The following NIT2 variants were observed in gnomAD, a reference collection of about 807,000 sequenced individuals.
NIT2 encodes the protein omega-amidase NIT2.
In NIT2, 46 loss-of-function variants were observed where a neutral mutation model predicts 42.7. The observed-to-expected ratio is 1.08, with a 90% CI of 0.85 to 1.38. The LOEUF (loss-of-function observed/expected upper bound fraction) is 1.38, where lower values mean the gene tolerates loss of function less well. Ranked by LOEUF, NIT2 falls within the 40% of genes most tolerant of loss-of-function variation. The probability of loss-of-function intolerance (pLI) is 0.00; values close to 1 mark genes in which losing one functional copy is unlikely to be tolerated. For missense variants in NIT2, 309 were observed against 342.5 expected, an observed-to-expected ratio of 0.90 and a Z score of 0.77; for synonymous variants, 123 against 121.9, an observed-to-expected ratio of 1.01 and a Z score of -0.06.
chr3:100,340,396 A>C (rs1706135794), intron 3 of NIT2, among the ~76,000 whole-genome samples: 1 of 152,128 alleles, frequency 6.6e-6, no homozygotes, highest in Non-Finnish European at 1.5e-5. Flanking sequence ...GAGGATTGAG[A>C]AAAAAAATTT....
At chr3:100,337,291 A>G (rs1476773079) in intron 1 of NIT2, among the ~76,000 whole-genome samples, 2 of 152,144 alleles carry the variant, frequency 1.3e-5, no homozygotes, top group African/African-American at 4.8e-5. Context: ...TTTTCCCTAC[A>G]CTAATAATTC....
Position 100,356,337 on chromosome 3 carries a change from A to G in NIT2, c.*1069A>G, listed in dbSNP as rs1311622554. The G allele has an allele frequency of 6.6e-6, 1 of 152,242 alleles. No individual in the cohort carries two copies. Among genetic ancestry groups the G allele is most frequent in the Non-Finnish European group, 1.5e-5 (1 of 68,046 alleles). 9.4% of individuals were successfully genotyped at this position (152,242 alleles called of 1,614,324 possible). On this transcript the variant is annotated 3_prime_UTR_variant, in exon 10 of 10. Transcript: ENST00000394140. Reference sequence around the variant, plus strand: ...CCATGGCTGAGTTTGAGCTATCTGCATGACACCTCTAAACACAGAGTTGGG... The same window carrying G: ...CCATGGCTGAGTTTGAGCTATCTGCGTGACACCTCTAAACACAGAGTTGGG...
In NIT2 at chr3:100,348,872, A is replaced by C; in HGVS notation, c.575A>C (p.Gln192Pro). The change falls in exon 7 of 10, where the codon CAG (glutamine) becomes CCG (proline). Residue 192 changes from glutamine (Q) to proline (P), a missense_variant. By Grantham distance (76) the Gln-to-Pro change is moderately conservative. Coordinates refer to ENST00000394140, the MANE Select transcript of NIT2 (RefSeq NM_020202.5). ...TTGPAHWELL[Q>P]RSRAVDNQVY... The stretch of plus-strand genomic sequence containing the variant: ...GGACCAGCCCATTGGGAGTTACTTC[A>C]GCGAAGCCGGTAAGAAAGGAACCAT... 6.2e-7 allele frequency: 1 copy of C among 1,613,732 alleles called. No homozygotes were observed. The highest frequency in any genetic ancestry group is 2.2e-5 in the East Asian group (1 of 44,872).
At chr3:100,351,277 A>G (rs1222780670) in intron 7 of NIT2, among the ~76,000 whole-genome samples, 2 of 152,228 alleles carry the variant, frequency 1.3e-5, no homozygotes, top group South Asian at 2.1e-4. Context: ...ATATGGAACC[A>G]AAAAAGAGCC....
rs539571335 is a variant in NIT2 at position 100,339,800 on chromosome 3, C to T, written c.127-15C>T. ...GTGTTTTGATCTTTTTTTTTCTCTG[C>T]CAATATTTTTCTAGGAATGCTTTAA... On this transcript the variant is annotated splice_polypyrimidine_tract_variant and intron_variant, in intron 2 of 9. Transcript: ENST00000394140. The T allele has an allele frequency of 1.9e-6, 3 of 1,593,184 alleles. No individual in the cohort carries two copies. In the South Asian group the frequency reaches 3.4e-5, roughly 18 times the overall value.
intron 3 of NIT2, 63 bp from the exon 4 acceptor site, chr3:100,341,010 C>A: frequency 9.2e-7 from 1 of 1,085,206 alleles, no homozygotes; most frequent in Admixed American, 1.8e-5. Flanking sequence ...GGCTTTTATC[C>A]CTTTCTCACA....
chr3:100,353,777 C>CT (rs397728358), intron 8 of NIT2, among the ~76,000 whole-genome samples: 102,042 of 140,222 alleles, frequency 0.73, 37,633 homozygotes, highest in East Asian at 0.93. Context: ...TTTCTTTTTT[C>CT]TTTTTTTTTT....
intron 4 of NIT2, among the ~76,000 whole-genome samples, chr3:100,342,301 A>G (rs1209588146): frequency 6.6e-6 from 1 of 152,048 alleles, no homozygotes; most frequent in Non-Finnish European, 1.5e-5. Flanking sequence ...ATATAATTGT[A>G]TCTTAATTTT....
At chr3:100,334,896 C>T (rs978753294) in intron 1 of NIT2, 98 bp downstream of exon 1, 3 of 1,119,828 alleles carry the variant, frequency 2.7e-6, no homozygotes, top group Non-Finnish European at 2.3e-6. Flanking sequence ...CCCCTCCGCC[C>T]CGCGTCCCCG....
chr3:100,346,002 A>G, intron 5 of NIT2, 179 bp from the exon 6 acceptor site: 1 of 610,746 alleles, frequency 1.6e-6, no homozygotes. Flanking sequence ...GATGTAAATG[A>G]TGTCTTTATG....
At chr3:100,344,242 A>T (rs988649429) in intron 4 of NIT2, among the ~76,000 whole-genome samples, 2 of 152,198 alleles carry the variant, frequency 1.3e-5, no homozygotes, top group African/African-American at 4.8e-5. Context: ...AGCAGCTGTA[A>T]ATAGCACCAG....
intron 4 of NIT2, among the ~76,000 whole-genome samples, chr3:100,343,380 G>A (rs1012348059): frequency 6.6e-6 from 1 of 151,768 alleles, no homozygotes; most frequent in African/African-American, 2.4e-5. Flanking sequence ...CTGTTTTTCT[G>A]TTTTTGTCTT....
chr3:100,340,018 C>T, intron 3 of NIT2, 83 bp downstream of exon 3: 4 of 1,189,978 alleles, frequency 3.4e-6, no homozygotes, highest in Non-Finnish European at 4.7e-6. Context: ...CGCCTGTATT[C>T]CCTACTTGGG....
rs373969032 is a variant in NIT2 at position 100,355,201 on chromosome 3, G to A, written c.764G>A (p.Arg255His). 6.8e-6 allele frequency: 11 copies of A among 1,613,904 alleles called. No individual in the cohort carries two copies. The highest frequency in any genetic ancestry group is 9.3e-6 in the Non-Finnish European group (11 of 1,179,984). ...GACCTGAAGAAGCTGGCTGAAATAC[G>A]CCAGCAAATCCCCGTTTTTAGACAG... ...DIDLKKLAEI[R>H]QQIPVFRQKR... is the part of the protein sequence containing the mutation. Residue 255 changes from arginine (R) to histidine (H), a missense_variant, in exon 10 of 10, where the codon CGC (arginine) becomes CAC (histidine). By Grantham distance (29) the Arg-to-His change is conservative. Transcript: ENST00000394140.
chr3:100,354,934 C>T (rs1256515972), intron 9 of NIT2, 107 bp downstream of exon 9: 1 of 930,462 alleles, frequency 1.1e-6, no homozygotes, highest in African/African-American at 1.6e-5. Flanking sequence ...CTTTATGCCC[C>T]TTCTCATTGA....
chr3:100,353,765 AGTTTC>A (rs202244862), intron 8 of NIT2, among the ~76,000 whole-genome samples: 2,578 of 134,888 alleles, frequency 0.019, 44 homozygotes, highest in African/African-American at 0.055. Context: ...CACTGGAGAT[AGTTTC>A]TTTTTTCTTT....
intron 7 of NIT2, chr3:100,349,506 C>A (rs1012930894): frequency 6.6e-6 from 1 of 152,240 alleles, no homozygotes; most frequent in Non-Finnish European, 1.5e-5. Context: ...CCTCTTAAGT[C>A]AGTTCCAGCA....
rs1706328137 is a variant in NIT2, at chr3:100,356,689, T to C, written c.*1421T>C. On this transcript the variant is annotated 3_prime_UTR_variant, in exon 10 of 10. Coordinates refer to ENST00000394140, the MANE Select transcript of NIT2 (RefSeq NM_020202.5). ...ACTTTAAAAAAATAAGTGTGCAATTTGGTAAACTTTGACATATACAGCTAT... is the reference window on the plus strand; with the variant it reads ...ACTTTAAAAAAATAAGTGTGCAATTCGGTAAACTTTGACATATACAGCTAT... 1 of 152,226 alleles carries C rather than the reference T, an allele frequency of 6.6e-6. No homozygotes were observed. Among genetic ancestry groups the C allele is most frequent in the East Asian group, 1.9e-4 (1 of 5,204 alleles). 9.4% of individuals were successfully genotyped at this position (152,226 alleles called of 1,614,324 possible).
chr3:100,340,552 T>C (rs1333936195), intron 3 of NIT2, among the ~76,000 whole-genome samples: 1 of 152,210 alleles, frequency 6.6e-6, no homozygotes, highest in Non-Finnish European at 1.5e-5. Flanking sequence ...TATGATGATA[T>C]ATTAAGAATT....
Sources: allele counts gnomAD v4.1 joint callset (sites outside exome capture counted in the v4.1 genomes callset), GRCh38; gene constraint gnomAD v4.1.1; transcripts MANE v1.5; gene names NCBI Gene and HGNC (gene_info 2026-07-23, HGNC 2026-07-21).